GLDN: variants seen among roughly 807,000 people sequenced by gnomAD.
GLDN encodes the protein collomin.
A neutral mutation model predicts 56.5 loss-of-function variants in GLDN; 47 were observed. The observed-to-expected ratio is 0.83, with a 90% confidence interval of 0.66 to 1.06. The LOEUF (loss-of-function observed/expected upper bound fraction) is 1.06, where lower values mean the gene tolerates loss of function less well. GLDN is among the 50% of genes least tolerant of loss of function. The pLI is 0.00. For missense variants in GLDN, 782 were observed against 714.3 expected, an observed-to-expected ratio of 1.09 and a Z score of -1.08; for synonymous variants, 332 against 278.8, an observed-to-expected ratio of 1.19 and a Z score of -1.90.
At chr15:51,360,423 C>T (rs2037272450) in intron 1 of GLDN, 1 of 152,424 alleles carries the variant, frequency 6.6e-6, no homozygotes, top group African/African-American at 2.4e-5. Flanking sequence ...GCACACTGCC[C>T]CCGAGGGCGA....
At chr15:51,355,932 G>C (rs997223417) in intron 1 of GLDN, among the ~76,000 whole-genome samples, 11 of 150,812 alleles carry the variant, frequency 7.3e-5, no homozygotes, top group African/African-American at 2.7e-4. Flanking sequence ...CCTCAGCCGG[G>C]TGTGGTGGCT....
At chr15:51,348,011 AC>A (rs1328893562) in intron 1 of GLDN, among the ~76,000 whole-genome samples, 3 of 152,224 alleles carry the variant, frequency 2.0e-5, no homozygotes, top group Non-Finnish European at 2.9e-5. Context: ...AAAAGTGCTT[AC>A]TTTTGGAGGG....
At chr15:51,408,601 T>C (rs188911306), downstream of GLDN, among the ~76,000 whole-genome samples, 1 of 152,284 alleles carries the variant, frequency 6.6e-6, no homozygotes, top group African/African-American at 2.4e-5. Context: ...AGGTTACGTA[T>C]GTATACATGT....
chr15:51,347,450 G>A (rs1424172418), intron 1 of GLDN, among the ~76,000 whole-genome samples: 1 of 152,080 alleles, frequency 6.6e-6, no homozygotes, highest in East Asian at 1.9e-4. Context: ...GTTATTGCTA[G>A]CATTAGTGTA....
rs1377264378 is a variant in GLDN, at chr15:51,404,809, TC to T, written c.*60del. ...TTCAGGGGTTTTCTGGGACCAGTTCTCCCCCAACAGGAAACTTGTTTTTTTA... is the reference window on the plus strand; with the variant it reads ...TTCAGGGGTTTTCTGGGACCAGTTCTCCCCAACAGGAAACTTGTTTTTTTA... On this transcript the variant is annotated 3_prime_UTR_variant, in exon 10 of 10. Transcript: ENST00000335449. 1 of 869,804 alleles carries T rather than the reference TC, an allele frequency of 1.1e-6. No individual in the cohort carries two copies. The highest frequency in any genetic ancestry group is 1.8e-6 in the Non-Finnish European group (1 of 540,892). 53.9% of individuals were successfully genotyped at this position (869,804 alleles called of 1,614,324 possible).
At position 51,382,641 on chromosome 15, in the gene GLDN, G is replaced by A. The variant is rs192661325; in HGVS notation, c.416-795G>A. ...CTCGGGAGGCTGAGGCAGGAGAATG[G>A]CATGAACCCAGGAGGCGGAGCTTGC... On this transcript the variant is annotated intron_variant, in intron 2 of 9. Coordinates refer to ENST00000335449, the MANE Select transcript of GLDN (RefSeq NM_181789.4). Among the ~76,000 whole-genome samples, 825 of 151,188 alleles carry A rather than the reference G, an allele frequency of 5.5e-3. 4 individuals carry two copies. Among genetic ancestry groups the A allele is most frequent in the Non-Finnish European group, 9.1e-3 (616 of 67,788 alleles).
intron 1 of GLDN, among the ~76,000 whole-genome samples, chr15:51,347,351 T>C (rs1047564043): frequency 1.3e-5 from 2 of 152,202 alleles, no homozygotes; most frequent in African/African-American, 4.8e-5. Context: ...TGGCCCAGGA[T>C]GGCTTTGAAT....
At chr15:51,381,313 T>C (rs975287847) in intron 2 of GLDN, among the ~76,000 whole-genome samples, 1 of 152,210 alleles carries the variant, frequency 6.6e-6, no homozygotes, top group Non-Finnish European at 1.5e-5. Context: ...CACCAGTCTC[T>C]ATATCCGAAT....
In GLDN at chr15:51,400,515, T is replaced by G. The variant is rs758156940; in HGVS notation, c.1027+17T>G. ...ATTTTTCAGGTACTTGCACTCGGCC[T>G]ATGACCCATATCTGTGTGGTAACTG... is the stretch of plus-strand genomic sequence containing the variant. On this transcript the variant is annotated intron_variant, in intron 8 of 9. Transcript: ENST00000335449. 6.2e-7 allele frequency: 1 copy of G among 1,612,928 alleles called. No individual in the cohort carries two copies. Among genetic ancestry groups the G allele is most frequent in the Admixed American group, 1.7e-5 (1 of 59,916 alleles).
intron 6 of GLDN, among the ~76,000 whole-genome samples, 168 bp from the exon 7 acceptor site, chr15:51,400,024 A>T (rs528498614): frequency 5.4e-4 from 82 of 152,220 alleles, no homozygotes; most frequent in Non-Finnish European, 9.8e-4. Context: ...GAAGGCTATG[A>T]TTTGGAGTTG....
chr15:51,353,375 T>C (rs2037110868), intron 1 of GLDN, among the ~76,000 whole-genome samples: 1 of 152,166 alleles, frequency 6.6e-6, no homozygotes, highest in South Asian at 2.1e-4. Context: ...GCAATTCCCC[T>C]GTCTTGATAA....
In GLDN at chr15:51,400,140, A is replaced by G. The variant is rs190493800; in HGVS notation, c.818-52A>G. The stretch of plus-strand genomic sequence containing the variant: ...AGAGCAGCAGCTATAAAGTCCAACA[A>G]ATCTCACTGTGCCAACCGTATCGGC... On this transcript the variant is annotated intron_variant, in intron 6 of 9. Transcript: ENST00000335449. 927 of 1,536,428 alleles carry G rather than the reference A, an allele frequency of 6.0e-4. 1 individual carries two copies. The highest frequency in any genetic ancestry group is 2.1e-3 in the Admixed American group (125 of 59,842).
downstream of GLDN, among the ~76,000 whole-genome samples, chr15:51,412,105 C>T (rs888783110): frequency 2.6e-5 from 4 of 152,170 alleles, no homozygotes; most frequent in African/African-American, 9.7e-5. Flanking sequence ...TGTGTTAACT[C>T]GTACAATTCT....
chr15:51,373,030 G>A (rs979351441), intron 1 of GLDN, among the ~76,000 whole-genome samples: 1 of 152,076 alleles, frequency 6.6e-6, no homozygotes, highest in African/African-American at 2.4e-5. Context: ...AGACCTAAAT[G>A]TCCTCCTTTA....
At chr15:51,342,125 T>A in intron 1 of GLDN, 78 bp downstream of exon 1, 2 of 1,548,136 alleles carry the variant, frequency 1.3e-6, no homozygotes, top group Non-Finnish European at 1.7e-6. Context: ...GCCGACGCCC[T>A]CTTCTCCCCT....
downstream of GLDN, among the ~76,000 whole-genome samples, chr15:51,409,102 G>C (rs1219080110): frequency 6.7e-6 from 1 of 148,538 alleles, no homozygotes; most frequent in Non-Finnish European, 1.5e-5. Flanking sequence ...CTTATCTAGG[G>C]CTGCAGAAAT....
At chr15:51,374,468 A>G (rs1415504385) in intron 1 of GLDN, among the ~76,000 whole-genome samples, 1 of 152,218 alleles carries the variant, frequency 6.6e-6, no homozygotes, top group Non-Finnish European at 1.5e-5. Context: ...AGTAGAGTGG[A>G]CCTGGAATCA....
At chr15:51,395,627 G>C (rs879325949) in intron 5 of GLDN, among the ~76,000 whole-genome samples, 6 of 152,108 alleles carry the variant, frequency 3.9e-5, no homozygotes, top group East Asian at 1.9e-4. Context: ...ACTCTCTTAC[G>C]TGCAGCCCAG....
intron 1 of GLDN, among the ~76,000 whole-genome samples, chr15:51,376,987 C>A (rs114817335): frequency 2.6e-5 from 4 of 151,608 alleles, no homozygotes; most frequent in African/African-American, 9.7e-5. Flanking sequence ...AATAACAATA[C>A]AAAATATGGT....
Sources: allele counts gnomAD v4.1 joint callset (sites outside exome capture counted in the v4.1 genomes callset), GRCh38; gene constraint gnomAD v4.1.1; transcripts MANE v1.5; gene names NCBI Gene and HGNC (gene_info 2026-07-23, HGNC 2026-07-21).